The following CA10 variants were observed in gnomAD, a reference collection of about 807,000 sequenced individuals.
The protein encoded by CA10 is carbonic anhydrase 10 (inactive).
A neutral mutation model predicts 44.2 loss-of-function variants in CA10; 14 were observed. That is an observed-to-expected ratio of 0.32 (90% confidence interval 0.21 to 0.50). The LOEUF is 0.50. CA10 is among the 20% of genes least tolerant of loss of function. CA10 has a pLI of 0.99. For synonymous variants in CA10, 159 were observed against 141.6 expected (o/e 1.12, Z -0.87); for missense variants, 350 against 409.7 (o/e 0.85, Z 1.26).
chr17:52,122,954 C>CT (rs567122263), intron 1 of CA10, among the ~76,000 whole-genome samples: 6 of 151,552 alleles, frequency 4.0e-5, no homozygotes, highest in South Asian at 2.1e-4. Flanking sequence ...TTTTGAAATA[C>CT]TTTTTTTTTG....
intron 3 of CA10, among the ~76,000 whole-genome samples, chr17:51,839,624 C>T (rs1218615953): frequency 6.6e-6 from 1 of 151,834 alleles, no homozygotes; most frequent in Non-Finnish European, 1.5e-5. Context: ...TCATTCTGCT[C>T]CAGGTATGAA....
chr17:51,920,799 C>T (rs752718285), intron 3 of CA10, among the ~76,000 whole-genome samples: 44 of 152,186 alleles, frequency 2.9e-4, no homozygotes, highest in Admixed American at 1.3e-4. Context: ...TCACATTTTG[C>T]TTATCTTTCA....
intron 1 of CA10, among the ~76,000 whole-genome samples, chr17:52,079,199 T>C (rs992272217): frequency 3.3e-5 from 5 of 152,156 alleles, no homozygotes; most frequent in African/African-American, 1.2e-4. Context: ...GACAGGAGAA[T>C]GGCGTGAACC....
chr17:51,962,478 GC>G (rs1429790902), intron 2 of CA10, among the ~76,000 whole-genome samples: 1 of 152,164 alleles, frequency 6.6e-6, no homozygotes, highest in Non-Finnish European at 1.5e-5. Flanking sequence ...CCATGGATGA[GC>G]CCATTGCTAG....
intron 1 of CA10, among the ~76,000 whole-genome samples, chr17:52,109,228 A>G (rs1045919606): frequency 2.6e-5 from 4 of 152,234 alleles, no homozygotes; most frequent in Admixed American, 2.6e-4. Flanking sequence ...AGATAATAGT[A>G]CTATTTTCTG....
intron 2 of CA10, among the ~76,000 whole-genome samples, chr17:52,041,369 A>G (rs914552833): frequency 2.6e-5 from 4 of 152,114 alleles, no homozygotes; most frequent in Non-Finnish European, 4.4e-5. Context: ...ATGATTTTCC[A>G]TATGTTCAGG....
intron 1 of CA10, among the ~76,000 whole-genome samples, chr17:52,123,399 G>A (rs760026060): frequency 1.3e-4 from 7 of 55,986 alleles, no homozygotes; most frequent in East Asian, 4.5e-4. Context: ...TGTGTGTGAC[G>A]TTTTCATTTA....
intron 4 of CA10, among the ~76,000 whole-genome samples, chr17:51,687,785 T>C (rs546916048): frequency 3.9e-4 from 59 of 151,818 alleles, no homozygotes; most frequent in South Asian, 2.5e-3. Context: ...TGGGAGTTTA[T>C]TTTAACTTCC....
chr17:51,956,729 G>A (rs1376420308), intron 2 of CA10, among the ~76,000 whole-genome samples: 1 of 152,118 alleles, frequency 6.6e-6, no homozygotes, highest in Non-Finnish European at 1.5e-5. Flanking sequence ...GATACATTTG[G>A]CAGTGGTGAG....
intron 6 of CA10, among the ~76,000 whole-genome samples, chr17:51,641,195 C>T (rs1484237990): frequency 6.6e-6 from 1 of 151,108 alleles, no homozygotes; most frequent in Non-Finnish European, 1.5e-5. Context: ...TCTCTATCAC[C>T]TACTTACCTG....
At position 52,158,494 on chromosome 17, in the gene CA10, C is replaced by A. The variant is rs1303880572; in HGVS notation, c.-708G>T. 2 of 155,766 alleles carry A rather than the reference C, an allele frequency of 1.3e-5. No individual in the cohort carries two copies. Among genetic ancestry groups the A allele is most frequent in the Non-Finnish European group, 2.8e-5 (2 of 70,908 alleles). The allele number at this position is 155,766 out of a possible 1,614,324, so 9.6% of individuals were successfully genotyped here. On this transcript the variant is annotated 5_prime_UTR_variant, in exon 1 of 9. Transcript: ENST00000451037. ...CGACCCTCCCTGCTCCCCAGGTCCGCGCGCAGCCTGCAGCCTCTCAGCCGG... is the reference window on the plus strand; with the variant it reads ...CGACCCTCCCTGCTCCCCAGGTCCGAGCGCAGCCTGCAGCCTCTCAGCCGG...
chr17:51,855,951 T>A (rs1979019679), intron 3 of CA10, among the ~76,000 whole-genome samples: 2 of 152,146 alleles, frequency 1.3e-5, no homozygotes, highest in South Asian at 4.1e-4. Context: ...AACTGGCTGA[T>A]TCACCTTTGG....
At chr17:52,032,016 C>G (rs1986482916) in intron 2 of CA10, among the ~76,000 whole-genome samples, 1 of 152,104 alleles carries the variant, frequency 6.6e-6, no homozygotes. Context: ...CTAATACACA[C>G]AAATAAAAAT....
intron 2 of CA10, among the ~76,000 whole-genome samples, chr17:51,952,247 C>T (rs926221094): frequency 1.3e-5 from 2 of 152,276 alleles, no homozygotes; most frequent in Non-Finnish European, 2.9e-5. Flanking sequence ...AAGTATCACA[C>T]ACTGGGTGGT....
intron 3 of CA10, chr17:51,762,470 T>C (rs1274681077): frequency 3.3e-5 from 5 of 152,264 alleles, no homozygotes; most frequent in African/African-American, 1.2e-4. Flanking sequence ...ATAAAATCAG[T>C]GAAGACTTGG....
Position 51,791,838 on chromosome 17 carries a change from T to A in CA10, c.280-44020A>T, listed in dbSNP as rs562548057. Among the ~76,000 whole-genome samples, 15 of 152,334 alleles carry A rather than the reference T, an allele frequency of 9.8e-5. No individual in the cohort carries two copies. In the East Asian group the frequency reaches 2.9e-3, roughly 29 times the overall value. On this transcript the variant is annotated intron_variant, in intron 3 of 8. Coordinates refer to ENST00000451037, the MANE Select transcript of CA10 (RefSeq NM_020178.5). ...TGAAGACCCTGTAAATCTTTTCAAATTTTTGGGATTAATCCACTTCCACTG... is the reference window on the plus strand; with the variant it reads ...TGAAGACCCTGTAAATCTTTTCAAAATTTTGGGATTAATCCACTTCCACTG...
At chr17:52,093,332 C>T (rs1988318614) in intron 1 of CA10, among the ~76,000 whole-genome samples, 1 of 152,092 alleles carries the variant, frequency 6.6e-6, no homozygotes, top group South Asian at 2.1e-4. Flanking sequence ...TAGAAAAGTG[C>T]CCCCTATAAA....
At chr17:52,071,596 TGA>T (rs1987680956) in intron 2 of CA10, among the ~76,000 whole-genome samples, 1 of 152,208 alleles carries the variant, frequency 6.6e-6, no homozygotes, top group Non-Finnish European at 1.5e-5. Flanking sequence ...TGGCTCCTGC[TGA>T]GAGCTTTATT....
At chr17:52,006,443 T>G (rs2144127410) in intron 2 of CA10, among the ~76,000 whole-genome samples, 1 of 152,008 alleles carries the variant, frequency 6.6e-6, no homozygotes, top group East Asian at 1.9e-4. Context: ...ACACTTACCA[T>G]TCTTTCAACA....
Sources: allele counts gnomAD v4.1 joint callset (sites outside exome capture counted in the v4.1 genomes callset), GRCh38; gene constraint gnomAD v4.1.1; transcripts MANE v1.5; gene names NCBI Gene and HGNC (gene_info 2026-07-23, HGNC 2026-07-21).